The following DAPK1 variants were observed in gnomAD, a reference collection of about 807,000 sequenced individuals.
DAPK1 encodes the protein death associated protein kinase 1.
A neutral mutation model predicts 144.9 loss-of-function variants in DAPK1; 56 were observed. The observed-to-expected ratio is 0.39, with a 90% CI of 0.31 to 0.48. The LOEUF (loss-of-function observed/expected upper bound fraction) is 0.48, where lower values mean the gene tolerates loss of function less well. Among genes scored for constraint, DAPK1 ranks in the 20% least tolerant of loss-of-function variants. DAPK1 has a pLI of 0.95. For synonymous variants in DAPK1, 690 were observed against 749.0 expected (o/e 0.92, Z 1.29); for missense variants, 1,454 against 1,875.4 (o/e 0.78, Z 4.15).
chr9:87,697,192 G>A lies in DAPK1; in HGVS notation c.2599G>A (p.Glu867Lys). 6.5e-7 allele frequency: 1 copy of A among 1,537,504 alleles called. No individual in the cohort carries two copies. Among genetic ancestry groups the A allele is most frequent in the Non-Finnish European group, 9.0e-7 (1 of 1,110,178 alleles). ...LSFLKSLVPV[E>K]EPIAFGGKLK... The stretch of plus-strand genomic sequence containing the variant: ...TTTCCTGAAGTCCCTTGTCCCAGTT[G>A]AAGAACCCATAGGTGAGCTAAGTCC... The change falls in exon 22 of 26, where the codon GAA becomes AAA. Residue 867 changes from glutamate to lysine, a missense_variant. Coordinates refer to ENST00000408954, the MANE Select transcript of DAPK1 (RefSeq NM_004938.4).
chr9:87,621,582 C>T lies in DAPK1; in HGVS notation c.285-16361C>T, dbSNP rs548486246. On this transcript the variant is annotated intron_variant, in intron 3 of 25. Coordinates refer to ENST00000408954, the MANE Select transcript of DAPK1 (RefSeq NM_004938.4). ...CCATTTTCTGAGTATTTTCCAGACT[C>T]TGTGTTTCTCTTGAAATCTAGAGCT... 3.2e-4 allele frequency among the ~76,000 whole-genome samples: 48 copies of T among 152,310 alleles called. No individual in the cohort carries two copies. The South Asian group carries it at 4.6e-3, about 14-fold the overall frequency.
In DAPK1 at chr9:87,636,726, C is replaced by T. The variant is rs184917997; in HGVS notation, c.285-1217C>T. Among the ~76,000 whole-genome samples, 321 of 152,260 alleles carry T rather than the reference C, an allele frequency of 2.1e-3. 4 individuals are homozygous for T. The highest frequency in any genetic ancestry group is 9.6e-4 in the Non-Finnish European group (65 of 68,020). Reference sequence around the variant, plus strand: ...TGTGGAAGGTATAATGTTTGGGGAGCGCTCTTGCCCTAAGAGAGATAATGA... The same window carrying T: ...TGTGGAAGGTATAATGTTTGGGGAGTGCTCTTGCCCTAAGAGAGATAATGA... On this transcript the variant is annotated intron_variant, in intron 3 of 25. Transcript: ENST00000408954.
intron 2 of DAPK1, among the ~76,000 whole-genome samples, chr9:87,590,995 T>G (rs1003511640): frequency 2.2e-4 from 34 of 152,242 alleles, no homozygotes; most frequent in African/African-American, 8.0e-4. Context: ...CGTTATCCTT[T>G]CAAGGGCCAA....
intron 20 of DAPK1, among the ~76,000 whole-genome samples, chr9:87,682,065 G>A (rs1041691719): frequency 1.3e-5 from 2 of 152,262 alleles, no homozygotes; most frequent in African/African-American, 4.8e-5. Flanking sequence ...CCTTCTTTCT[G>A]GAGTGCTACA....
chr9:87,648,867 T>G lies in DAPK1; in HGVS notation c.1416T>G (p.Asn472Lys). 6.2e-7 allele frequency: 1 copy of G among 1,614,132 alleles called. No individual in the cohort carries two copies. The highest frequency in any genetic ancestry group is 8.5e-7 in the Non-Finnish European group (1 of 1,179,948). Residue 472 changes from asparagine to lysine, a missense_variant, in exon 15 of 26, where the codon AAT becomes AAG. By Grantham distance (94) the Asn-to-Lys change is moderately conservative. Coordinates refer to ENST00000408954, the MANE Select transcript of DAPK1 (RefSeq NM_004938.4). ...QLLCSFGSNP[N>K]IQDKEEETPL... is the part of the protein sequence containing the mutation. ...TGTGCAGCTTCGGCTCAAATCCCAA[T>G]ATCCAGGACAAGGTGGGTCGTGACT...
intron 3 of DAPK1, among the ~76,000 whole-genome samples, chr9:87,634,329 G>A (rs1018015813): frequency 8.5e-5 from 13 of 152,188 alleles, no homozygotes; most frequent in Non-Finnish European, 1.9e-4. Flanking sequence ...GGCTGCGCTG[G>A]AGGGTCCCCT....
At chr9:87,515,186 A>G (rs1825001846) in intron 2 of DAPK1, among the ~76,000 whole-genome samples, 1 of 152,232 alleles carries the variant, frequency 6.6e-6, no homozygotes, top group Non-Finnish European at 1.5e-5. Flanking sequence ...ATGTAAAGAT[A>G]GTAAATATGG....
intron 2 of DAPK1, among the ~76,000 whole-genome samples, chr9:87,583,848 C>A (rs1198558538): frequency 6.6e-6 from 1 of 152,162 alleles, no homozygotes; most frequent in Non-Finnish European, 1.5e-5. Context: ...CTATCATTGC[C>A]CTTCTTTCTT....
chr9:87,669,670 A>C (rs1831188317), intron 19 of DAPK1, among the ~76,000 whole-genome samples: 1 of 152,120 alleles, frequency 6.6e-6, no homozygotes, highest in Non-Finnish European at 1.5e-5. Flanking sequence ...TGCCATATAG[A>C]CCGAGAAGTG....
At chr9:87,574,577 C>T (rs1827473705) in intron 2 of DAPK1, among the ~76,000 whole-genome samples, 1 of 152,100 alleles carries the variant, frequency 6.6e-6, no homozygotes, top group South Asian at 2.1e-4. Flanking sequence ...TTACAGCTGG[C>T]ATGGAGTGCA....
chr9:87,614,588 C>T (rs890778278), intron 3 of DAPK1, among the ~76,000 whole-genome samples: 6 of 152,168 alleles, frequency 3.9e-5, no homozygotes, highest in Non-Finnish European at 7.3e-5. Flanking sequence ...CTTCTTCTTC[C>T]TGTTTTGGCC....
chr9:87,543,096 G>A (rs1260481362), intron 2 of DAPK1, among the ~76,000 whole-genome samples: 1 of 152,184 alleles, frequency 6.6e-6, no homozygotes, highest in Non-Finnish European at 1.5e-5. Context: ...ATGTTGTATA[G>A]AGCAAGTTAG....
intron 2 of DAPK1, among the ~76,000 whole-genome samples, chr9:87,533,339 A>T (rs1005976293): frequency 6.6e-6 from 1 of 152,238 alleles, no homozygotes; most frequent in South Asian, 2.1e-4. Flanking sequence ...AGTCTTTGAC[A>T]CCTTTAACTT....
intron 2 of DAPK1, among the ~76,000 whole-genome samples, chr9:87,597,815 C>T (rs778794178): frequency 6.6e-6 from 1 of 152,148 alleles, no homozygotes; most frequent in African/African-American, 2.4e-5. Flanking sequence ...TTGATGCCTT[C>T]CTGCCTCTGC....
In DAPK1 at chr9:87,507,632, G is replaced by A. The variant is rs556768741; in HGVS notation, c.62+8493G>A. Among the ~76,000 whole-genome samples the A allele has an allele frequency of 3.3e-5, 5 of 152,308 alleles. No homozygotes were observed. The South Asian group carries it at 8.3e-4, about 25-fold the overall frequency. ...TGGGGAGGGGAGGGAAGGAGGTTGG[G>A]AGAATGTTGTTGATTTTTTTTTTCC... On this transcript the variant is annotated intron_variant, in intron 2 of 25. Coordinates refer to ENST00000408954, the MANE Select transcript of DAPK1 (RefSeq NM_004938.4).
intron 2 of DAPK1, among the ~76,000 whole-genome samples, chr9:87,574,870 G>C (rs1229013132): frequency 6.6e-6 from 1 of 151,118 alleles, no homozygotes; most frequent in African/African-American, 2.4e-5. Context: ...GCAGTGAGCT[G>C]AGATCATGCC....
chr9:87,621,501 G>T (rs1364929922), intron 3 of DAPK1, among the ~76,000 whole-genome samples: 1 of 152,196 alleles, frequency 6.6e-6, no homozygotes, highest in Non-Finnish European at 1.5e-5. Context: ...GGCCTTCCCA[G>T]GGAGGAAAGA....
chr9:87,555,331 T>C (rs772820623), intron 2 of DAPK1, among the ~76,000 whole-genome samples: 2 of 152,170 alleles, frequency 1.3e-5, no homozygotes, highest in Non-Finnish European at 2.9e-5. Context: ...GCAACATATC[T>C]GCCCTCCCTT....
At chr9:87,500,244 T>G (rs957720627) in intron 2 of DAPK1, among the ~76,000 whole-genome samples, 22 of 152,210 alleles carry the variant, frequency 1.4e-4, no homozygotes, top group Non-Finnish European at 2.8e-4. Context: ...AGAGTATTTC[T>G]CTAAATATTT....
Sources: allele counts gnomAD v4.1 joint callset (sites outside exome capture counted in the v4.1 genomes callset), GRCh38; gene constraint gnomAD v4.1.1; transcripts MANE v1.5; gene names NCBI Gene and HGNC (gene_info 2026-07-23, HGNC 2026-07-21).